RASSF3: variants seen among roughly 807,000 people sequenced by gnomAD.
RASSF3 encodes ras association domain-containing protein 3.
RASSF3 carries 19 observed loss-of-function variants against 19.9 expected under a neutral mutation model. The ratio of observed to expected loss-of-function variants is 0.96; its 90% confidence interval spans 0.67 to 1.40. The LOEUF (loss-of-function observed/expected upper bound fraction) is 1.40. Among genes scored for constraint, RASSF3 ranks in the 40% most tolerant of loss-of-function variants. RASSF3 has a pLI of 0.00. For missense variants in RASSF3, 306 were observed against 289.8 expected, an observed-to-expected ratio of 1.06 and a Z score of -0.41; for synonymous variants, 110 against 104.2, an observed-to-expected ratio of 1.06 and a Z score of -0.34.
intron 1 of RASSF3, chr12:64,515,552 T>C (rs1868358272): frequency 1.3e-5 from 2 of 151,948 alleles, no homozygotes; most frequent in African/African-American, 2.4e-5. Flanking sequence ...CTACTTCTTC[T>C]TCATTCTTTG....
intron 1 of RASSF3, among the ~76,000 whole-genome samples, chr12:64,669,796 T>C (rs1420014920): frequency 6.8e-6 from 1 of 147,276 alleles, no homozygotes; most frequent in Non-Finnish European, 1.5e-5. Flanking sequence ...TGCAAGCCAC[T>C]GAGGAGGAAA....
chr12:64,677,201 A>G (rs1203723793), intron 1 of RASSF3, among the ~76,000 whole-genome samples: 1 of 152,114 alleles, frequency 6.6e-6, no homozygotes, highest in African/African-American at 2.4e-5. Flanking sequence ...TGGAGCTTAA[A>G]ATTCAGTTCT....
intron 2 of RASSF3, among the ~76,000 whole-genome samples, chr12:64,564,728 G>A (rs1216673758): frequency 6.6e-6 from 1 of 151,864 alleles, no homozygotes; most frequent in Non-Finnish European, 1.5e-5. Context: ...AGAGAAATGC[G>A]TTATTGAAGA....
At chr12:64,515,849 A>G (rs2136100184) in intron 1 of RASSF3, among the ~76,000 whole-genome samples, 1 of 152,106 alleles carries the variant, frequency 6.6e-6, no homozygotes, top group South Asian at 2.1e-4. Context: ...TTAACTAGAC[A>G]CTCACTAGGG....
chr12:64,590,922 C>A (rs983761651), intron 2 of RASSF3, among the ~76,000 whole-genome samples: 2 of 152,282 alleles, frequency 1.3e-5, no homozygotes, highest in Admixed American at 1.3e-4. Context: ...CAAGACACAG[C>A]AAACTATTAT....
At chr12:64,599,745 C>T (rs955120643) in intron 2 of RASSF3, among the ~76,000 whole-genome samples, 1 of 152,072 alleles carries the variant, frequency 6.6e-6, no homozygotes, top group Admixed American at 6.5e-5. Context: ...AAAATACTGC[C>T]TGATAAGCCG....
intron 1 of RASSF3, chr12:64,507,523 T>C (rs1007807092): frequency 3.2e-5 from 12 of 374,874 alleles, no homozygotes; most frequent in African/African-American, 2.5e-4. Flanking sequence ...TTGAGGCTGA[T>C]GTATTAGAAG....
Position 64,610,607 on chromosome 12 carries a change from C to T in RASSF3, c.-26C>T, listed in dbSNP as rs3741748. On this transcript the variant is annotated 5_prime_UTR_variant, in exon 1 of 5. Transcript: ENST00000542104. ...CTGGCCGCCTGCGCCCCGGGGAGGC[C>T]GCCCGCGCGCGACGGGACCGGCAGC... The T allele has an allele frequency of 0.41, 592,469 of 1,447,130 alleles. 125,360 individuals are homozygous for T. The highest frequency in any genetic ancestry group is 0.44 in the Non-Finnish European group (474,168 of 1,087,428). The allele number at this position is 1,447,130 out of a possible 1,614,324, so 89.6% of individuals were successfully genotyped here. A position where few individuals can be genotyped will look rare whatever the true frequency, so the allele number is the denominator to read the frequency against.
At chr12:64,535,872 A>C (rs528313748) in intron 1 of RASSF3, among the ~76,000 whole-genome samples, 1 of 150,942 alleles carries the variant, frequency 6.6e-6, no homozygotes, top group Admixed American at 6.6e-5. Flanking sequence ...TTTTTAGTAG[A>C]GACAGGGTTT....
intron 1 of RASSF3, among the ~76,000 whole-genome samples, chr12:64,668,629 G>A (rs1411885384): frequency 6.6e-6 from 1 of 151,368 alleles, no homozygotes; most frequent in Non-Finnish European, 1.5e-5. Flanking sequence ...ATGGTGATTG[G>A]AGTTTAGCTT....
At chr12:64,592,146 C>G (rs1479076164) in intron 2 of RASSF3, among the ~76,000 whole-genome samples, 1 of 152,112 alleles carries the variant, frequency 6.6e-6, no homozygotes, top group Non-Finnish European at 1.5e-5. Context: ...AGTGATTTGC[C>G]CACCTTAGTT....
chr12:64,586,815 T>G (rs1869812073), intron 2 of RASSF3, among the ~76,000 whole-genome samples: 1 of 151,406 alleles, frequency 6.6e-6, no homozygotes, highest in South Asian at 2.1e-4. Context: ...CTCAGCTACT[T>G]GGGAGGCTGA....
chr12:64,610,540 C>G lies in RASSF3; in HGVS notation c.-93C>G. 2 of 494,248 alleles carry G rather than the reference C, an allele frequency of 4.0e-6. No homozygotes were observed. Among genetic ancestry groups the G allele is most frequent in the Non-Finnish European group, 6.2e-6 (2 of 324,290 alleles). 30.6% of individuals were successfully genotyped at this position (494,248 alleles called of 1,614,324 possible). The stretch of plus-strand genomic sequence containing the variant: ...TGCATAAGGACTGCCCGGGGCTGCG[C>G]GCCGGGAACCTCGCGGGGCTGGCGG... On this transcript the variant is annotated 5_prime_UTR_variant, in exon 1 of 5. Coordinates refer to ENST00000542104, the MANE Select transcript of RASSF3 (RefSeq NM_178169.4).
In RASSF3 at chr12:64,580,106, C is replaced by T. The variant is rs138198702; in HGVS notation, c.294+38401C>T. On this transcript the variant is annotated intron_variant, in intron 2 of 5. Coordinates refer to the RASSF3 transcript ENST00000637125. Reference sequence around the variant, plus strand: ...CTGGGATTATAGGCATGAGCCACTGCGCGCAGCCTTTTTTGTGTTTTGATT... The same window carrying T: ...CTGGGATTATAGGCATGAGCCACTGTGCGCAGCCTTTTTTGTGTTTTGATT... Among the ~76,000 whole-genome samples, 218 of 152,158 alleles carry T rather than the reference C, an allele frequency of 1.4e-3. 1 individual carries two copies. The highest frequency in any genetic ancestry group is 4.5e-3 in the African/African-American group (186 of 41,528).
chr12:64,538,682 T>C (rs1868881387), intron 1 of RASSF3, among the ~76,000 whole-genome samples: 1 of 152,178 alleles, frequency 6.6e-6, no homozygotes, highest in Non-Finnish European at 1.5e-5. Context: ...ATAAAATCTC[T>C]GTAATCTCAA....
chr12:64,681,222 GT>G (rs1301960323), intron 1 of RASSF3, among the ~76,000 whole-genome samples: 1 of 152,214 alleles, frequency 6.6e-6, no homozygotes, highest in African/African-American at 2.4e-5. Context: ...GTATGCTGCT[GT>G]GTATGTGCTT....
At chr12:64,534,119 G>A (rs1868772699) in intron 1 of RASSF3, among the ~76,000 whole-genome samples, 1 of 152,102 alleles carries the variant, frequency 6.6e-6, no homozygotes, top group Non-Finnish European at 1.5e-5. Flanking sequence ...TAATTAGCTG[G>A]GTGTGGTGGT....
chr12:64,623,956 T>C (rs1870891205), intron 1 of RASSF3, among the ~76,000 whole-genome samples: 1 of 150,924 alleles, frequency 6.6e-6, no homozygotes, highest in Non-Finnish European at 1.5e-5. Flanking sequence ...GCCATATTTC[T>C]GTTTTAGAAT....
At chr12:64,619,237 C>A (rs1218657916) in intron 1 of RASSF3, among the ~76,000 whole-genome samples, 1 of 151,726 alleles carries the variant, frequency 6.6e-6, no homozygotes, top group East Asian at 1.9e-4. Flanking sequence ...GGGAACTTGC[C>A]CTTTACTGTT....
Sources: gnomAD v4.1 joint callset for allele counts (sites outside exome capture counted in the v4.1 genomes callset) on GRCh38, gnomAD v4.1.1 for gene constraint, MANE v1.5 for transcripts, NCBI Gene and HGNC (gene_info 2026-07-23, HGNC 2026-07-21) for gene names.